DENND1B: variants seen among roughly 807,000 people sequenced by gnomAD.
DENND1B encodes the protein DENN domain containing 1B.
Under a neutral mutation model 90.1 loss-of-function variants are expected in DENND1B, and 59 were observed. The observed-to-expected ratio is 0.65, with a 90% CI of 0.53 to 0.81. DENND1B has a LOEUF of 0.81. Among genes scored for constraint, DENND1B ranks in the 40% least tolerant of loss-of-function variants. DENND1B has a pLI of 0.00. For synonymous variants in DENND1B, 337 were observed against 324.6 expected (o/e 1.04, Z -0.41); for missense variants, 862 against 912.6 (o/e 0.94, Z 0.71).
chr1:197,545,362 G>A (rs1266607913), intron 18 of DENND1B, among the ~76,000 whole-genome samples: 1 of 151,912 alleles, frequency 6.6e-6, no homozygotes, highest in Non-Finnish European at 1.5e-5. Flanking sequence ...CCGAGATCGT[G>A]CCACTGCACT....
At chr1:197,559,409 C>T (rs1480454646) in intron 15 of DENND1B, among the ~76,000 whole-genome samples, 1 of 151,814 alleles carries the variant, frequency 6.6e-6, no homozygotes, top group African/African-American at 2.4e-5. Flanking sequence ...CATGGCAGTC[C>T]TGTTACTGAA....
In DENND1B at chr1:197,686,945, G is replaced by A. The variant is rs547699237; in HGVS notation, c.127-12776C>T. ...AACGACCTAACAGCTGTGTAAAATC[G>A]TTCATGCAACTTTTCCTCTCTTTGC... On this transcript the variant is annotated intron_variant, in intron 3 of 22. Coordinates refer to ENST00000620048, the MANE Select transcript of DENND1B (RefSeq NM_001195215.2). Among the ~76,000 whole-genome samples, 121 of 152,236 alleles carry A rather than the reference G, an allele frequency of 7.9e-4. 1 individual carries two copies. The highest frequency in any genetic ancestry group is 2.8e-3 in the African/African-American group (116 of 41,554).
At chr1:197,705,646 T>C (rs559869652) in intron 3 of DENND1B, among the ~76,000 whole-genome samples, 1,401 of 44,018 alleles carry the variant, frequency 0.032, 9 homozygotes, top group Non-Finnish European at 0.037. Context: ...AAGGTAGAAA[T>C]TTAAAAAAAA....
chr1:197,714,640 T>C (rs1660459792), intron 3 of DENND1B, among the ~76,000 whole-genome samples: 1 of 152,156 alleles, frequency 6.6e-6, no homozygotes, highest in Non-Finnish European at 1.5e-5. Context: ...TGATCACTTA[T>C]TTATGGCAGT....
chr1:197,706,003 T>C (rs528153763), intron 3 of DENND1B, among the ~76,000 whole-genome samples: 2 of 1,786 alleles, frequency 1.1e-3, no homozygotes, highest in East Asian at 0.05. Flanking sequence ...GTGTAATTTC[T>C]AAGTCAGATT....
Position 197,510,606 on chromosome 1 carries a change from G to A in DENND1B, c.2182C>T (p.Pro728Ser), listed in dbSNP as rs773379564. The A allele has an allele frequency of 2.5e-6, 4 of 1,612,692 alleles. No individual in the cohort carries two copies. The highest frequency in any genetic ancestry group is 2.2e-5 in the South Asian group (2 of 91,030). Residue 728 changes from proline to serine, a missense_variant, in exon 23 of 23, where the codon CCT (proline) becomes TCT (serine). By Grantham distance (74) the Pro-to-Ser change is moderately conservative. Transcript: ENST00000620048. ...GLGRHSSTFV[P>S]WEKEGKEAKE... ...GCTTCTTTCCCTTCTTTCTCCCAAG[G>A]AACAAAAGTCGATGAATGCCGCCCA...
chr1:197,660,050 T>C (rs1284697034), intron 5 of DENND1B, among the ~76,000 whole-genome samples: 1 of 151,584 alleles, frequency 6.6e-6, no homozygotes, highest in Admixed American at 6.6e-5. Flanking sequence ...CAGGAAGCTA[T>C]TAAAAAAAAA....
intron 5 of DENND1B, among the ~76,000 whole-genome samples, chr1:197,661,482 T>C (rs1654400572): frequency 6.6e-6 from 1 of 152,096 alleles, no homozygotes; most frequent in Non-Finnish European, 1.5e-5. Flanking sequence ...ACCTAAAAAT[T>C]CAGATGAGAC....
intron 15 of DENND1B, among the ~76,000 whole-genome samples, chr1:197,563,988 A>C (rs1321458397): frequency 6.6e-6 from 1 of 152,016 alleles, no homozygotes; most frequent in Non-Finnish European, 1.5e-5. Context: ...GAACCTGAAT[A>C]CGTGACTAAA....
At chr1:197,676,300 T>C (rs1477228033) in intron 3 of DENND1B, among the ~76,000 whole-genome samples, 2 of 152,134 alleles carry the variant, frequency 1.3e-5, no homozygotes, top group African/African-American at 2.4e-5. Context: ...ATAAAATGCA[T>C]GCAAATAGCT....
At chr1:197,628,592 T>A (rs1432233070) in intron 10 of DENND1B, among the ~76,000 whole-genome samples, 1 of 152,010 alleles carries the variant, frequency 6.6e-6, no homozygotes, top group Non-Finnish European at 1.5e-5. Context: ...AACCTAGGTG[T>A]TACCATTCAG....
chr1:197,599,191 T>C (rs1298901536), intron 13 of DENND1B, among the ~76,000 whole-genome samples: 3 of 151,744 alleles, frequency 2.0e-5, no homozygotes, highest in Non-Finnish European at 2.9e-5. Context: ...GTCTAAGTAA[T>C]GAAGTAATTA....
At chr1:197,779,775 A>G (rs1407274459), upstream of DENND1B, among the ~76,000 whole-genome samples, 1 of 151,530 alleles carries the variant, frequency 6.6e-6, no homozygotes, top group Non-Finnish European at 1.5e-5. Context: ...TATTAAAAAT[A>G]TTTAATATAT....
intron 13 of DENND1B, among the ~76,000 whole-genome samples, chr1:197,602,608 T>C (rs2125826947): frequency 6.6e-6 from 1 of 151,498 alleles, no homozygotes; most frequent in African/African-American, 2.4e-5. Flanking sequence ...ATAACATATA[T>C]TATGACAATT....
At position 197,508,864 on chromosome 1, in the gene DENND1B, T is replaced by C. The variant is rs569949455; in HGVS notation, c.*1596A>G. The stretch of plus-strand genomic sequence containing the variant: ...AATTAGTACATGATTCCTTCTCAGA[T>C]GAATTCCAAAGCTCAACAGTGAATT... On this transcript the variant is annotated 3_prime_UTR_variant, in exon 23 of 23. Coordinates refer to ENST00000620048, the MANE Select transcript of DENND1B (RefSeq NM_001195215.2). 1.3e-5 allele frequency: 2 copies of C among 151,864 alleles called. No homozygotes were observed. The highest frequency in any genetic ancestry group is 1.3e-4 in the Admixed American group (2 of 15,214). 9.4% of individuals were successfully genotyped at this position (151,864 alleles called of 1,614,324 possible).
intron 2 of DENND1B, among the ~76,000 whole-genome samples, chr1:197,764,165 G>A (rs1558495767): frequency 6.6e-6 from 1 of 152,178 alleles, no homozygotes; most frequent in Non-Finnish European, 1.5e-5. Flanking sequence ...GTACCATAGA[G>A]ACAAGTTCAA....
intron 3 of DENND1B, among the ~76,000 whole-genome samples, chr1:197,714,688 T>C (rs527554997): frequency 6.6e-6 from 1 of 152,152 alleles, no homozygotes; most frequent in Non-Finnish European, 1.5e-5. Context: ...AATAAGAGTA[T>C]ATTTAACAAA....
intron 13 of DENND1B, among the ~76,000 whole-genome samples, chr1:197,600,303 A>C (rs1676086270): frequency 6.6e-6 from 1 of 151,822 alleles, no homozygotes. Flanking sequence ...TTAAGTTTGG[A>C]CTGGTGCATA....
intron 15 of DENND1B, among the ~76,000 whole-genome samples, chr1:197,577,746 C>T (rs1037022875): frequency 4.6e-5 from 7 of 152,168 alleles, no homozygotes; most frequent in Admixed American, 3.9e-4. Flanking sequence ...GGGATTCCTT[C>T]CAAATCCATT....
Sources: gnomAD v4.1 joint callset for allele counts (sites outside exome capture counted in the v4.1 genomes callset) on GRCh38, gnomAD v4.1.1 for gene constraint, MANE v1.5 for transcripts, NCBI Gene and HGNC (gene_info 2026-07-23, HGNC 2026-07-21) for gene names.